E2F3: variants seen among roughly 807,000 people sequenced by gnomAD.
E2F3 encodes the protein transcription factor E2F3.
E2F3 carries 11 observed loss-of-function variants against 44.4 expected under a neutral mutation model. That is an observed-to-expected ratio of 0.25 (90% confidence interval 0.16 to 0.41). The LOEUF is 0.41. Among genes scored for constraint, E2F3 ranks in the 10% least tolerant of loss-of-function variants. The pLI is 1.00. For missense variants in E2F3, 487 were observed against 583.6 expected, an observed-to-expected ratio of 0.83 and a Z score of 1.70; for synonymous variants, 249 against 253.0, an observed-to-expected ratio of 0.98 and a Z score of 0.15.
intron 1 of E2F3, among the ~76,000 whole-genome samples, chr6:20,459,859 T>C (rs1344582664): frequency 1.3e-5 from 2 of 152,064 alleles, no homozygotes; most frequent in East Asian, 3.9e-4. Flanking sequence ...AGAAGATTGC[T>C]TGAGCCCATG....
chr6:20,453,134 T>G (rs1416132451), intron 1 of E2F3, among the ~76,000 whole-genome samples: 1 of 152,196 alleles, frequency 6.6e-6, no homozygotes, highest in Non-Finnish European at 1.5e-5. Context: ...GCTCTAAGTC[T>G]GTGATATGAT....
At chr6:20,472,362 T>C (rs1431300687) in intron 1 of E2F3, among the ~76,000 whole-genome samples, 2 of 152,138 alleles carry the variant, frequency 1.3e-5, no homozygotes, top group Non-Finnish European at 2.9e-5. Flanking sequence ...TCATGGTCAC[T>C]GACAAATTAT....
chr6:20,425,875 A>T (rs991874311), intron 1 of E2F3, among the ~76,000 whole-genome samples: 2 of 152,210 alleles, frequency 1.3e-5, no homozygotes, highest in South Asian at 4.1e-4. Context: ...TTGCTTCTTC[A>T]TTTGAATTCT....
At chr6:20,409,510 C>T (rs1759599552) in intron 1 of E2F3, among the ~76,000 whole-genome samples, 1 of 152,170 alleles carries the variant, frequency 6.6e-6, no homozygotes, top group South Asian at 2.1e-4. Context: ...CACAGTGCCC[C>T]TCTGGTAGTA....
intron 1 of E2F3, among the ~76,000 whole-genome samples, chr6:20,465,622 C>A (rs1043350861): frequency 1.3e-5 from 2 of 152,140 alleles, no homozygotes; most frequent in Non-Finnish European, 2.9e-5. Flanking sequence ...CCCCTGCGTC[C>A]CCAAAGTCCA....
chr6:20,461,771 C>T (rs1287491739), intron 1 of E2F3, among the ~76,000 whole-genome samples: 1 of 152,134 alleles, frequency 6.6e-6, no homozygotes, highest in African/African-American at 2.4e-5. Context: ...TTCTTGTGTA[C>T]ACATCCTTGT....
intron 1 of E2F3, among the ~76,000 whole-genome samples, chr6:20,435,002 G>A (rs1240424413): frequency 6.6e-6 from 1 of 152,198 alleles, no homozygotes. Flanking sequence ...CGTCAGCCGT[G>A]GATGCTCTGC....
intron 1 of E2F3, among the ~76,000 whole-genome samples, chr6:20,434,999 C>T (rs549693332): frequency 7.2e-5 from 11 of 152,218 alleles, no homozygotes; most frequent in South Asian, 2.1e-4. Flanking sequence ...TGGCGTCAGC[C>T]GTGGATGCTC....
chr6:20,468,800 C>G (rs1046385544), intron 1 of E2F3, among the ~76,000 whole-genome samples: 3 of 152,172 alleles, frequency 2.0e-5, no homozygotes, highest in African/African-American at 7.2e-5. Flanking sequence ...AGTGGGCCTA[C>G]CTTACACCAA....
chr6:20,488,110 T>C lies in E2F3; in HGVS notation c.1000-3T>C, dbSNP rs1762449119. ...TTCGAACTTCTCCCACTTCTGTTCA[T>C]AGAGCCTACAAATACATTTGGCAAG... On this transcript the variant is annotated splice_polypyrimidine_tract_variant and splice_region_variant and intron_variant, in intron 5 of 6. Transcript: ENST00000346618. 2 of 1,613,882 alleles carry C rather than the reference T, an allele frequency of 1.2e-6. No homozygotes were observed. Among genetic ancestry groups the C allele is most frequent in the South Asian group, 1.1e-5 (1 of 91,054 alleles).
At chr6:20,473,669 G>A (rs937246649) in intron 1 of E2F3, among the ~76,000 whole-genome samples, 11 of 152,202 alleles carry the variant, frequency 7.2e-5, no homozygotes, top group Non-Finnish European at 1.3e-4. Flanking sequence ...CCCTTGAAGG[G>A]ATTGGGACTC....
In E2F3 at chr6:20,490,155, GT is replaced by G. The variant is rs757285934; in HGVS notation, c.1136-9del. 16 of 1,554,930 alleles carry G rather than the reference GT, an allele frequency of 1.0e-5. 1 individual carries two copies. Among genetic ancestry groups the G allele is most frequent in the Middle Eastern group, 1.7e-4 (1 of 5,806 alleles). On this transcript the variant is annotated splice_polypyrimidine_tract_variant and intron_variant, in intron 6 of 6. Coordinates refer to ENST00000346618, the MANE Select transcript of E2F3 (RefSeq NM_001949.5). The surrounding 1 kb of genome is among the most constrained non-coding windows in gnomAD (Gnocchi z 4.3). ...TAACTTATTTTTTGTTTCCATCAAT[GT>G]TTTCTTTTCAGACTTGGCTTCAACC... is the stretch of plus-strand genomic sequence containing the variant.
chr6:20,453,250 ACAGAAAG>A (rs1761192703), intron 1 of E2F3, among the ~76,000 whole-genome samples: 1 of 152,070 alleles, frequency 6.6e-6, no homozygotes, highest in Non-Finnish European at 1.5e-5. Flanking sequence ...ATTTCGAGTC[ACAGAAAG>A]CATTTCCACC....
intron 1 of E2F3, among the ~76,000 whole-genome samples, chr6:20,422,093 T>C (rs1010094166): frequency 6.6e-6 from 1 of 152,254 alleles, no homozygotes; most frequent in African/African-American, 2.4e-5. Context: ...TCATCTACAT[T>C]GAAGATCTGT....
At chr6:20,478,076 G>A (rs775857321) in intron 1 of E2F3, among the ~76,000 whole-genome samples, 11 of 152,044 alleles carry the variant, frequency 7.2e-5, no homozygotes, top group Non-Finnish European at 1.6e-4. Context: ...GTGTGCACCT[G>A]TGGTCCCATC....
At chr6:20,436,627 A>C (rs1225484643) in intron 1 of E2F3, among the ~76,000 whole-genome samples, 2 of 152,156 alleles carry the variant, frequency 1.3e-5, no homozygotes, top group African/African-American at 2.4e-5. Context: ...CTGTCTCTCT[A>C]TGTTAGATGC....
chr6:20,467,616 G>C lies in E2F3; in HGVS notation c.394-12230G>C, dbSNP rs192601814. Among the ~76,000 whole-genome samples, 523 of 152,244 alleles carry C rather than the reference G, an allele frequency of 3.4e-3. 7 individuals carry two copies. The highest frequency in any genetic ancestry group is 0.012 in the African/African-American group (497 of 41,532). ...ATAATTTTTCCCTTGTGGGAGCGAG[G>C]TTCTGTGAGTCTACTGGCTGAAGCA... On this transcript the variant is annotated intron_variant, in intron 1 of 6. Coordinates refer to ENST00000346618, the MANE Select transcript of E2F3 (RefSeq NM_001949.5).
chr6:20,408,084 A>G (rs139973035), intron 1 of E2F3, among the ~76,000 whole-genome samples: 4 of 152,386 alleles, frequency 2.6e-5, no homozygotes, highest in South Asian at 2.1e-4. Context: ...ATAATGTTTC[A>G]GAGACTGTAT....
chr6:20,488,861 G>A (rs1762475276), intron 6 of E2F3, among the ~76,000 whole-genome samples: 1 of 152,232 alleles, frequency 6.6e-6, no homozygotes, highest in Admixed American at 6.5e-5. Context: ...GTGCGTGGTG[G>A]CACGTGCCTG....
Sources: allele counts gnomAD v4.1 joint callset (sites outside exome capture counted in the v4.1 genomes callset), GRCh38; gene constraint gnomAD v4.1.1; non-coding constraint Gnocchi (gnomAD v3.1); transcripts MANE v1.5; gene names NCBI Gene and HGNC (gene_info 2026-07-23, HGNC 2026-07-21).